ARL8B: variants seen among roughly 807,000 people sequenced by gnomAD.
ARL8B encodes the protein ADP-ribosylation factor-like protein 8B.
A neutral mutation model predicts 30.6 loss-of-function variants in ARL8B; 9 were observed. That is an observed-to-expected ratio of 0.29 (90% CI 0.18 to 0.51). ARL8B has a LOEUF of 0.51. Among genes scored for constraint, ARL8B ranks in the 20% least tolerant of loss-of-function variants. The pLI, the probability that ARL8B is intolerant of heterozygous loss-of-function variation, is 0.97. For synonymous variants in ARL8B, 74 were observed against 76.0 expected (o/e 0.97, Z 0.14); for missense variants, 130 against 227.2 (o/e 0.57, Z 2.75).
intron 1 of ARL8B, among the ~76,000 whole-genome samples, chr3:5,153,188 A>G (rs2054500762): frequency 6.6e-6 from 1 of 151,956 alleles, no homozygotes; most frequent in Non-Finnish European, 1.5e-5. Context: ...TCCCCCCTTT[A>G]TATTGTAGTC....
At chr3:5,177,821 A>G (rs755968511) in intron 6 of ARL8B, among the ~76,000 whole-genome samples, 4 of 152,142 alleles carry the variant, frequency 2.6e-5, no homozygotes, top group South Asian at 2.1e-4. Context: ...TTCAGTTCCA[A>G]TGAGTGTGGC....
intron 1 of ARL8B, 72 bp from the exon 2 acceptor site, chr3:5,170,431 T>C (rs953577709): frequency 6.2e-6 from 6 of 963,936 alleles, no homozygotes; most frequent in Non-Finnish European, 9.4e-6. Context: ...ACAAATGCAA[T>C]GTTGATATTA....
chr3:5,148,900 C>G (rs1402702289), intron 1 of ARL8B, among the ~76,000 whole-genome samples: 1 of 152,144 alleles, frequency 6.6e-6, no homozygotes, highest in Admixed American at 6.5e-5. Flanking sequence ...CTCTTTGGCT[C>G]CCTCTTTGCT....
At chr3:5,147,260 A>G (rs1016967243) in intron 1 of ARL8B, among the ~76,000 whole-genome samples, 1 of 152,122 alleles carries the variant, frequency 6.6e-6, no homozygotes, top group Non-Finnish European at 1.5e-5. Flanking sequence ...ATGAGTGAGA[A>G]CATGCAGTGT....
At position 5,131,085 on chromosome 3, in the gene ARL8B, G is replaced by A. The variant is rs866377524; in HGVS notation, c.123+8497G>A. 1.1e-4 allele frequency among the ~76,000 whole-genome samples: 16 copies of A among 152,124 alleles called. No homozygotes were observed. In the Middle Eastern group the frequency reaches 0.017, roughly 162 times the overall value. On this transcript the variant is annotated intron_variant, in intron 1 of 6. Transcript: ENST00000256496. ...CCGCCACCACGCCCAGCTAATTTTT[G>A]TATTTTTAGTAGAGACGAGGTTTCA...
At chr3:5,125,851 A>G (rs1045703455) in intron 1 of ARL8B, among the ~76,000 whole-genome samples, 6 of 152,132 alleles carry the variant, frequency 3.9e-5, no homozygotes, top group East Asian at 1.9e-4. Context: ...TCATTAGACT[A>G]TTCTTTTTAA....
At position 5,172,865 on chromosome 3, in the gene ARL8B, C is replaced by G. The variant is rs1055866913; in HGVS notation, c.372+125C>G. On this transcript the variant is annotated intron_variant, in intron 4 of 6. Transcript: ENST00000256496. ...GTCTTCATTTTTAAAATCTGGAAAA[C>G]TTGCTTACCATGTATCTGCCATATA... 6 of 667,552 alleles carry G rather than the reference C, an allele frequency of 9.0e-6. 1 individual carries two copies. Among genetic ancestry groups the G allele is most frequent in the Middle Eastern group, 8.9e-4 (2 of 2,250 alleles). 41.4% of individuals were successfully genotyped at this position (667,552 alleles called of 1,614,324 possible).
At chr3:5,128,135 C>T (rs2054248747) in intron 1 of ARL8B, among the ~76,000 whole-genome samples, 2 of 145,724 alleles carry the variant, frequency 1.4e-5, no homozygotes, top group East Asian at 3.9e-4. Context: ...TGCACTCCAG[C>T]CTGGGCAACA....
rs565417130 is a variant in ARL8B at position 5,138,637 on chromosome 3, C to T, written c.123+16049C>T. 5.3e-5 allele frequency among the ~76,000 whole-genome samples: 8 copies of T among 152,278 alleles called. No homozygotes were observed. In the East Asian group the frequency reaches 1.4e-3, roughly 26 times the overall value. ...TGATTGAAAAGCATTCCTGTCACTC[C>T]AACTTCTTACTGCGCTTACTGCACC... is the stretch of plus-strand genomic sequence containing the variant. On this transcript the variant is annotated intron_variant, in intron 1 of 6. Coordinates refer to ENST00000256496, the MANE Select transcript of ARL8B (RefSeq NM_018184.3).
chr3:5,152,663 T>G (rs1559281226), intron 1 of ARL8B, among the ~76,000 whole-genome samples: 1 of 152,206 alleles, frequency 6.6e-6, no homozygotes, highest in Non-Finnish European at 1.5e-5. Flanking sequence ...TTTTTAAATT[T>G]TTTGTAGAGA....
In ARL8B at chr3:5,141,649, A is replaced by C. The variant is rs145737720; in HGVS notation, c.123+19061A>C. Among the ~76,000 whole-genome samples the C allele has an allele frequency of 5.1e-3, 776 of 152,310 alleles. 10 individuals carry two copies. Among genetic ancestry groups the C allele is most frequent in the African/African-American group, 0.017 (725 of 41,552 alleles). Reference sequence around the variant, plus strand: ...AGCATTTTCTGCCTGTTCGTTGGCTAGAGTTGTCAGTCCTTGTAAAGCTTT... The same window carrying C: ...AGCATTTTCTGCCTGTTCGTTGGCTCGAGTTGTCAGTCCTTGTAAAGCTTT... On this transcript the variant is annotated intron_variant, in intron 1 of 6. Transcript: ENST00000256496.
At chr3:5,151,028 C>T (rs557644918) in intron 1 of ARL8B, among the ~76,000 whole-genome samples, 4 of 151,820 alleles carry the variant, frequency 2.6e-5, no homozygotes, top group South Asian at 2.1e-4. Flanking sequence ...TTTTTAATGT[C>T]GGTGGAGTCT....
chr3:5,129,668 T>A (rs573241609), intron 1 of ARL8B, among the ~76,000 whole-genome samples: 17 of 152,120 alleles, frequency 1.1e-4, no homozygotes, highest in African/African-American at 4.1e-4. Flanking sequence ...CACCATAGCC[T>A]CCCAAGTAGT....
chr3:5,176,098 T>C (rs541092696), intron 6 of ARL8B, among the ~76,000 whole-genome samples: 2 of 152,324 alleles, frequency 1.3e-5, no homozygotes, highest in African/African-American at 4.8e-5. Context: ...AATGAATGTA[T>C]TGGAACAAAA....
At chr3:5,137,685 G>A (rs900232615) in intron 1 of ARL8B, among the ~76,000 whole-genome samples, 2 of 152,060 alleles carry the variant, frequency 1.3e-5, no homozygotes, top group East Asian at 3.9e-4. Flanking sequence ...TGATCCACCC[G>A]CCTTGGCCTC....
intron 1 of ARL8B, among the ~76,000 whole-genome samples, chr3:5,161,963 T>C (rs2054588259): frequency 1.3e-5 from 2 of 152,136 alleles, no homozygotes; most frequent in African/African-American, 4.8e-5. Context: ...GCTAAGTGAG[T>C]ACATAGAGGC....
intron 1 of ARL8B, among the ~76,000 whole-genome samples, chr3:5,147,087 T>C (rs904238756): frequency 6.6e-6 from 1 of 151,954 alleles, no homozygotes. Context: ...GTTTGTTACA[T>C]ATGTATACAT....
At chr3:5,167,956 G>A (rs1431597750) in intron 1 of ARL8B, among the ~76,000 whole-genome samples, 10 of 152,296 alleles carry the variant, frequency 6.6e-5, no homozygotes, top group East Asian at 1.9e-4. Context: ...GAAAGAAGTA[G>A]AAAATACTTC....
rs574866986 is a variant in ARL8B, at chr3:5,146,537, G to C, written c.123+23949G>C. Among the ~76,000 whole-genome samples the C allele has an allele frequency of 2.0e-5, 3 of 152,302 alleles. 1 individual carries two copies. In the South Asian group the frequency reaches 6.2e-4, roughly 32 times the overall value. On this transcript the variant is annotated intron_variant, in intron 1 of 6. Transcript: ENST00000256496. The stretch of plus-strand genomic sequence containing the variant: ...TCTCCTGGTTGTTTTAGTTCAGTCT[G>C]TAAGGGTGTGATTTTTAACCCTCTG...
Sources: allele counts gnomAD v4.1 joint callset (sites outside exome capture counted in the v4.1 genomes callset), GRCh38; gene constraint gnomAD v4.1.1; transcripts MANE v1.5; gene names NCBI Gene and HGNC (gene_info 2026-07-23, HGNC 2026-07-21).